LRP8: variants seen among roughly 807,000 people sequenced by gnomAD.
LRP8 encodes LDL receptor related protein 8.
A neutral mutation model predicts 111.6 loss-of-function variants in LRP8; 46 were observed. That is an observed-to-expected ratio of 0.41 (90% CI 0.33 to 0.53). The LOEUF is 0.53. Ranked by LOEUF, LRP8 falls within the 20% of genes least tolerant of loss-of-function variation. The probability of loss-of-function intolerance (pLI) is 0.20; values close to 1 mark genes in which losing one functional copy is unlikely to be tolerated. For synonymous variants in LRP8, 464 were observed against 511.2 expected (o/e 0.91, Z 1.24); for missense variants, 959 against 1,297.4 (o/e 0.74, Z 4.01).
chr1:53,272,778 C>T (rs759445146), intron 6 of LRP8: 29 of 636,842 alleles, frequency 4.6e-5, no homozygotes, highest in Middle Eastern at 3.0e-4. Context: ...ATCTTTCAGT[C>T]GCTCGGAGCC....
intron 2 of LRP8, among the ~76,000 whole-genome samples, chr1:53,311,445 C>T (rs1652976064): frequency 6.6e-6 from 1 of 152,200 alleles, no homozygotes; most frequent in Non-Finnish European, 1.5e-5. Context: ...CACACAAGCC[C>T]TGGCCACAAA....
At chr1:53,307,724 C>G (rs1652248832) in intron 2 of LRP8, among the ~76,000 whole-genome samples, 1 of 152,252 alleles carries the variant, frequency 6.6e-6, no homozygotes, top group South Asian at 2.1e-4. Context: ...TCTCCCATGA[C>G]AGCCAGATGG....
In LRP8 at chr1:53,266,977, G is replaced by C; in HGVS notation, c.1253-330C>G. 3.9e-6 allele frequency: 1 copy of C among 253,994 alleles called. No individual in the cohort carries two copies. Among genetic ancestry groups the C allele is most frequent in the Non-Finnish European group, 7.8e-6 (1 of 128,278 alleles). 15.7% of individuals were successfully genotyped at this position (253,994 alleles called of 1,614,324 possible). ...AGTTCCCTGTCCAGCCTCATTACTC[G>C]CCTCTCCAACATAGCTTGATTCCAC... is the stretch of plus-strand genomic sequence containing the variant. On this transcript the variant is annotated intron_variant, in intron 8 of 18. Coordinates refer to ENST00000306052, the MANE Select transcript of LRP8 (RefSeq NM_004631.5). This position sits in a 1 kb window ranked among gnomAD's most constrained non-coding sequence, Gnocchi z 5.0.
chr1:53,247,079 TC>T, intron 18 of LRP8, 23 bp from the exon 19 acceptor site: 1 of 1,575,256 alleles, frequency 6.3e-7, no homozygotes, highest in Non-Finnish European at 8.6e-7. Flanking sequence ...ACCAAAGAAT[TC>T]ATCATTAGAT....
chr1:53,323,774 T>A (rs1291216665), intron 2 of LRP8, among the ~76,000 whole-genome samples: 2 of 152,250 alleles, frequency 1.3e-5, no homozygotes, highest in Non-Finnish European at 2.9e-5. Flanking sequence ...GCTCTGTGAC[T>A]TTGGGGGAGT....
intron 2 of LRP8, among the ~76,000 whole-genome samples, chr1:53,313,677 G>A (rs570552313): frequency 6.6e-6 from 1 of 152,298 alleles, no homozygotes; most frequent in South Asian, 2.1e-4. Flanking sequence ...AAAAGGGCCT[G>A]AGGCTTCTCT....
At position 53,257,281 on chromosome 1, in the gene LRP8, G is replaced by A. The variant is rs112833513; in HGVS notation, c.2393C>T (p.Pro798Leu). The A allele has an allele frequency of 7.9e-5, 127 of 1,614,116 alleles. 1 individual carries two copies. The African/African-American group carries it at 1.3e-3, about 16-fold the overall frequency. The change falls in exon 15 of 19, where the codon CCG (proline) becomes CTG (leucine). Residue 798 changes from proline (P) to leucine (L), a missense_variant. Physicochemically the swap from Pro to Leu is moderately conservative, Grantham distance 98 (BLOSUM62 -3). Around this residue, in one of 3 missense-constraint regions of LRP8, gnomAD observed 819 missense variants for 1,097.6 expected, o/e 0.75. Coordinates refer to ENST00000306052, the MANE Select transcript of LRP8 (RefSeq NM_004631.5). ...GCTGGTTGCAGGGCTTAGGGTAGAC[G>A]GGCTGATGCTGGGAGCCCTGGGGAC... ...VSVPRAPSIS[P>L]STLSPATSNH...
At chr1:53,324,789 A>G (rs1049509195) in intron 2 of LRP8, among the ~76,000 whole-genome samples, 20 of 152,086 alleles carry the variant, frequency 1.3e-4, no homozygotes, top group African/African-American at 4.6e-4. Flanking sequence ...TAACATTTAA[A>G]GCCCGTCTTT....
chr1:53,282,001 C>T (rs1440756631), intron 3 of LRP8, among the ~76,000 whole-genome samples: 1 of 152,212 alleles, frequency 6.6e-6, no homozygotes, highest in African/African-American at 2.4e-5. Context: ...TGTCTGATGC[C>T]GGAGACTCAG....
chr1:53,289,311 C>T, intron 3 of LRP8: 1 of 367,088 alleles, frequency 2.7e-6, no homozygotes, highest in South Asian at 4.0e-5. Flanking sequence ...TCCTTCTGGG[C>T]AGAAGGGCTT....
intron 16 of LRP8, among the ~76,000 whole-genome samples, chr1:53,254,098 C>G (rs1645989446): frequency 6.6e-6 from 1 of 152,074 alleles, no homozygotes; most frequent in South Asian, 2.1e-4. Flanking sequence ...CCTTGAAGTA[C>G]TCATAGCCAA....
rs1365634364 is a variant in LRP8, at chr1:53,276,829, C to T, written c.746G>A (p.Gly249Asp). 2.4e-6 allele frequency: 3 copies of T among 1,272,004 alleles called. No individual in the cohort carries two copies. The highest frequency in any genetic ancestry group is 4.6e-5 in the Admixed American group (1 of 21,948). The allele number at this position is 1,272,004 out of a possible 1,614,324, so 78.8% of individuals were successfully genotyped here. ...DEAAELCGRP[G>D]PGATSAPAAC... is the part of the protein sequence containing the mutation. ...GGCGGGCGCGGACGTGGCCCCGGGG[C>T]CCGGACGGCCGCAGAGCTCGGCTGC... Residue 249 changes from glycine (G) to aspartate (D), a missense_variant, in exon 5 of 19, where the codon GGC (glycine) becomes GAC (aspartate). Physicochemically the swap from Gly to Asp is moderately conservative, Grantham distance 94 (BLOSUM62 -1). Transcript: ENST00000306052.
chr1:53,312,000 A>G (rs1055226175), intron 2 of LRP8, among the ~76,000 whole-genome samples: 3 of 152,168 alleles, frequency 2.0e-5, no homozygotes, highest in Non-Finnish European at 4.4e-5. Context: ...GCTTCTTTCT[A>G]TTCATCATGA....
Position 53,242,871 on chromosome 1 carries a change from A to G in LRP8, c.*4147T>C, listed in dbSNP as rs1056560960. On this transcript the variant is annotated 3_prime_UTR_variant, in exon 19 of 19. Coordinates refer to ENST00000306052, the MANE Select transcript of LRP8 (RefSeq NM_004631.5). ...TATATATATATATACACACACACAC[A>G]CGTGGCTTTTTAAAAATTACTTTTT... The G allele has an allele frequency of 2.6e-5, 4 of 151,018 alleles. No individual in the cohort carries two copies. Among genetic ancestry groups the G allele is most frequent in the South Asian group, 4.2e-4 (2 of 4,814 alleles). 9.4% of individuals were successfully genotyped at this position (151,018 alleles called of 1,614,324 possible). A position where few individuals can be genotyped will look rare whatever the true frequency, so the allele number is the denominator to read the frequency against.
intron 16 of LRP8, among the ~76,000 whole-genome samples, chr1:53,251,639 C>T (rs1645898963): frequency 6.7e-6 from 1 of 149,846 alleles, no homozygotes; most frequent in South Asian, 2.1e-4. Flanking sequence ...AGTAAGATTA[C>T]AATAATTGAT....
At chr1:53,287,093 A>G (rs145047501) in intron 3 of LRP8, among the ~76,000 whole-genome samples, 16 of 152,366 alleles carry the variant, frequency 1.1e-4, no homozygotes, top group Non-Finnish European at 1.9e-4. Flanking sequence ...TTTTAGGGGT[A>G]GGGAATGGGG....
In LRP8 at chr1:53,266,838, G is replaced by A. The variant is rs1230181830; in HGVS notation, c.1253-191C>T. Reference sequence around the variant, plus strand: ...GAAAGCAGAAGATGCAGAGCACCACGCATAGCAGGAAGATTCTTATTCTTT... The same window carrying A: ...GAAAGCAGAAGATGCAGAGCACCACACATAGCAGGAAGATTCTTATTCTTT... On this transcript the variant is annotated intron_variant, in intron 8 of 18. Transcript: ENST00000306052. This position sits in a 1 kb window ranked among gnomAD's most constrained non-coding sequence, Gnocchi z 5.0. 1.4e-5 allele frequency: 8 copies of A among 577,342 alleles called. No homozygotes were observed. The highest frequency in any genetic ancestry group is 6.0e-5 in the Admixed American group (2 of 33,538). The allele number at this position is 577,342 out of a possible 1,614,324, so 35.8% of individuals were successfully genotyped here.
At chr1:53,314,292 C>T (rs1051218382) in intron 2 of LRP8, among the ~76,000 whole-genome samples, 1 of 151,940 alleles carries the variant, frequency 6.6e-6, no homozygotes, top group African/African-American at 2.4e-5. Flanking sequence ...CCCTCCACTT[C>T]TCAAAGCCCT....
chr1:53,309,982 C>T (rs889540837), intron 2 of LRP8, among the ~76,000 whole-genome samples: 1 of 152,110 alleles, frequency 6.6e-6, no homozygotes, highest in Admixed American at 6.5e-5. Flanking sequence ...GTCCCCACGC[C>T]CCCAGCCATA....
Sources: gnomAD v4.1 joint callset for allele counts (sites outside exome capture counted in the v4.1 genomes callset) on GRCh38, gnomAD v4.1.1 for gene constraint, gnomAD v4.1.1 regional missense constraint, Gnocchi (gnomAD v3.1) non-coding constraint, MANE v1.5 for transcripts, NCBI Gene and HGNC (gene_info 2026-07-23, HGNC 2026-07-21) for gene names.